The following ASIC2 variants were observed in gnomAD, a reference collection of about 807,000 sequenced individuals.
The protein encoded by ASIC2 is acid sensing ion channel subunit 2.
In ASIC2, 25 loss-of-function variants were observed where a neutral mutation model predicts 57.3. That is an observed-to-expected ratio of 0.44 (90% CI 0.32 to 0.61). The LOEUF is 0.61. ASIC2 is among the 20% of genes least tolerant of loss of function. The probability of loss-of-function intolerance (pLI) is 0.06; values close to 1 mark genes in which losing one functional copy is unlikely to be tolerated. For missense variants in ASIC2, 641 were observed against 738.1 expected (o/e 0.87, Z 1.52); for synonymous variants, 319 against 307.5 (o/e 1.04, Z -0.39).
At chr17:33,853,303 G>A (rs1450229302) in intron 1 of ASIC2, among the ~76,000 whole-genome samples, 3 of 152,168 alleles carry the variant, frequency 2.0e-5, no homozygotes, top group African/African-American at 7.2e-5. Context: ...TCTCAGCCAT[G>A]GGGAAGAAAC....
intron 1 of ASIC2, among the ~76,000 whole-genome samples, chr17:33,717,926 T>A (rs80304846): frequency 7.2e-5 from 11 of 152,160 alleles, no homozygotes; most frequent in Non-Finnish European, 1.3e-4. Context: ...TCGTAGGGAG[T>A]AAGCTGATTA....
At position 33,755,805 on chromosome 17, in the gene ASIC2, G is replaced by A. The variant is rs190535920; in HGVS notation, c.555+400173C>T. On this transcript the variant is annotated intron_variant, in intron 1 of 9. Coordinates refer to the ASIC2 transcript ENST00000359872. Reference sequence around the variant, plus strand: ...GGACCAAAGGAAGAGGTGACCCACTGGGTGAAGAAGGCATCAGAGGATATT... The same window carrying A: ...GGACCAAAGGAAGAGGTGACCCACTAGGTGAAGAAGGCATCAGAGGATATT... 2.2e-3 allele frequency among the ~76,000 whole-genome samples: 331 copies of A among 152,308 alleles called. 2 individuals carry two copies. Among genetic ancestry groups the A allele is most frequent in the Non-Finnish European group, 2.9e-4 (20 of 68,028 alleles).
chr17:33,223,155 C>T (rs1399467170), intron 1 of ASIC2, among the ~76,000 whole-genome samples: 1 of 152,106 alleles, frequency 6.6e-6, no homozygotes, highest in African/African-American at 2.4e-5. Flanking sequence ...CTCCTTCCCC[C>T]TTTTCTTTTT....
At chr17:34,078,967 G>C (rs1306335040) in intron 1 of ASIC2, 1 of 152,204 alleles carries the variant, frequency 6.6e-6, no homozygotes, top group Non-Finnish European at 1.5e-5. Flanking sequence ...AAGGCTGGAG[G>C]CAATTTTCCT....
At chr17:34,151,763 C>T (rs975185020) in intron 1 of ASIC2, among the ~76,000 whole-genome samples, 7 of 152,126 alleles carry the variant, frequency 4.6e-5, no homozygotes, top group African/African-American at 9.7e-5. Flanking sequence ...TGAGCTCCTG[C>T]GGGACACTAA....
intron 1 of ASIC2, among the ~76,000 whole-genome samples, chr17:33,514,567 C>T (rs1392195075): frequency 6.6e-6 from 1 of 152,194 alleles, no homozygotes; most frequent in East Asian, 1.9e-4. Context: ...CATTTCAGAG[C>T]CACCTGTTTG....
chr17:33,838,578 T>C (rs761707048), intron 1 of ASIC2, among the ~76,000 whole-genome samples: 2 of 152,190 alleles, frequency 1.3e-5, no homozygotes, highest in African/African-American at 2.4e-5. Flanking sequence ...GCTATCTCAG[T>C]TGTAGCCTTT....
intron 1 of ASIC2, chr17:34,038,021 G>C (rs1474487417): frequency 1.4e-5 from 23 of 1,613,286 alleles, no homozygotes; most frequent in Admixed American, 6.7e-5. Context: ...ATACCAATAA[G>C]TACCAGCACC....
At chr17:33,401,793 C>A (rs1002792081) in intron 1 of ASIC2, among the ~76,000 whole-genome samples, 9 of 152,260 alleles carry the variant, frequency 5.9e-5, no homozygotes, top group Admixed American at 5.9e-4. Flanking sequence ...ACTTAATAAA[C>A]AGGACTTGGC....
At chr17:33,717,014 GA>G (rs1846109629) in intron 1 of ASIC2, among the ~76,000 whole-genome samples, 2 of 152,198 alleles carry the variant, frequency 1.3e-5, no homozygotes, top group African/African-American at 4.8e-5. Flanking sequence ...ACTTTCTAAA[GA>G]AGATCTGTGG....
At chr17:33,016,468 T>C (rs1354519353) in intron 8 of ASIC2, among the ~76,000 whole-genome samples, 2 of 152,170 alleles carry the variant, frequency 1.3e-5, no homozygotes, top group Non-Finnish European at 1.5e-5. Flanking sequence ...AGGACATGCC[T>C]GAGTTCATAA....
chr17:33,589,687 C>T (rs1369311771), intron 1 of ASIC2, among the ~76,000 whole-genome samples: 4 of 152,108 alleles, frequency 2.6e-5, no homozygotes, highest in Non-Finnish European at 2.9e-5. Flanking sequence ...AGTTGTATTA[C>T]GAATCAGTAT....
chr17:34,016,485 A>G (rs1405243156), intron 1 of ASIC2, among the ~76,000 whole-genome samples: 1 of 151,622 alleles, frequency 6.6e-6, no homozygotes, highest in Non-Finnish European at 1.5e-5. Context: ...CCATCTTTAC[A>G]GCGCAACATT....
intron 1 of ASIC2, among the ~76,000 whole-genome samples, chr17:33,361,905 T>C (rs1429642967): frequency 6.6e-6 from 1 of 152,246 alleles, no homozygotes; most frequent in Non-Finnish European, 1.5e-5. Flanking sequence ...TATATCTACT[T>C]GATTCTTCTC....
intron 1 of ASIC2, among the ~76,000 whole-genome samples, chr17:33,788,523 T>C (rs964943284): frequency 4.6e-5 from 7 of 152,142 alleles, no homozygotes; most frequent in African/African-American, 1.4e-4. Context: ...GAACCAGAAA[T>C]ACCATTTGAC....
chr17:33,371,680 A>G (rs936532860), intron 1 of ASIC2, among the ~76,000 whole-genome samples: 2 of 139,434 alleles, frequency 1.4e-5, no homozygotes, highest in Admixed American at 1.5e-4. Context: ...CTCGCAAACT[A>G]TAAATATACT....
intron 1 of ASIC2, among the ~76,000 whole-genome samples, chr17:33,390,540 G>C (rs1909853092): frequency 6.6e-6 from 1 of 152,142 alleles, no homozygotes; most frequent in African/African-American, 2.4e-5. Context: ...GCTTAGTTTG[G>C]TGCCTCTGCC....
chr17:33,422,195 T>A (rs78569086), intron 1 of ASIC2, among the ~76,000 whole-genome samples: 16,831 of 152,236 alleles, frequency 0.11, 1,017 homozygotes, highest in Non-Finnish European at 0.13. Flanking sequence ...CATTGCAAGT[T>A]CTGTTTTTAT....
chr17:33,740,291 A>G (rs1474157849), intron 1 of ASIC2, among the ~76,000 whole-genome samples: 3 of 152,242 alleles, frequency 2.0e-5, no homozygotes, highest in Non-Finnish European at 4.4e-5. Context: ...ACTGCCAGAA[A>G]CTGGGTAATC....
Sources: allele counts gnomAD v4.1 joint callset (sites outside exome capture counted in the v4.1 genomes callset), GRCh38; gene constraint gnomAD v4.1.1; transcripts MANE v1.5; gene names NCBI Gene and HGNC (gene_info 2026-07-23, HGNC 2026-07-21).